SASH1: variants seen among roughly 807,000 people sequenced by gnomAD.
SASH1 encodes SAM and SH3 domain-containing protein 1.
Under a neutral mutation model 125.2 loss-of-function variants are expected in SASH1, and 44 were observed. The ratio of observed to expected loss-of-function variants is 0.35; its 90% CI spans 0.28 to 0.45. SASH1 has a LOEUF of 0.45. Ranked by LOEUF, SASH1 falls within the 20% of genes least tolerant of loss-of-function variation. The pLI is 1.00. For synonymous variants in SASH1, 639 were observed against 649.1 expected, an observed-to-expected ratio of 0.98 and a Z score of 0.24; for missense variants, 1,426 against 1,614.5, an observed-to-expected ratio of 0.88 and a Z score of 2.00.
At chr6:148,374,603 C>T (rs903463383) in intron 1 of SASH1, among the ~76,000 whole-genome samples, 4 of 151,956 alleles carry the variant, frequency 2.6e-5, no homozygotes, top group African/African-American at 9.7e-5. Flanking sequence ...TAGAATGTGA[C>T]ACAAAGCAAA....
At chr6:148,296,135 T>C (rs1259049501) in intron 1 of SASH1, among the ~76,000 whole-genome samples, 1 of 151,792 alleles carries the variant, frequency 6.6e-6, no homozygotes, top group Non-Finnish European at 1.5e-5. Context: ...TTTTTGTTGT[T>C]GTTGTTTTGA....
the SASH1 span, among the ~76,000 whole-genome samples, chr6:148,244,935 TGTGTGTGTGTGTGTGTGTGTGTGTGAGA>T: frequency 2.1e-5 from 2 of 96,814 alleles, no homozygotes; most frequent in Admixed American, 1.0e-4. Context: ...TGTGTGTATG[TGTGTGTGTGTGTGTGTGTGTGTGTGAGA>T]GAGAGAGAGA....
At chr6:148,521,464 G>T (rs1780805886) in intron 10 of SASH1, among the ~76,000 whole-genome samples, 1 of 152,202 alleles carries the variant, frequency 6.6e-6, no homozygotes, top group African/African-American at 2.4e-5. Context: ...TTCTTAAAAC[G>T]ACCTTCTCTG....
rs539347278 is a variant in SASH1, at chr6:148,514,485, A to T, written c.862+29A>T. ...AAAAAAAAAAAAAAAAAAAAAAAAAAAGGCAGACTCCACCCTGGTTATTCC... is the reference window on the plus strand; with the variant it reads ...AAAAAAAAAAAAAAAAAAAAAAAAATAGGCAGACTCCACCCTGGTTATTCC... On this transcript the variant is annotated intron_variant, in intron 9 of 19. Coordinates refer to ENST00000367467, the MANE Select transcript of SASH1 (RefSeq NM_015278.5). 7.9e-6 allele frequency: 10 copies of T among 1,271,136 alleles called. No homozygotes were observed. The East Asian group carries it at 3.0e-4, about 38-fold the overall frequency. The allele number at this position is 1,271,136 out of a possible 1,614,324, so 78.7% of individuals were successfully genotyped here.
At chr6:148,521,130 C>G (rs1473784677) in intron 10 of SASH1, among the ~76,000 whole-genome samples, 2 of 152,226 alleles carry the variant, frequency 1.3e-5, no homozygotes, top group African/African-American at 4.8e-5. Flanking sequence ...GCATGACTTA[C>G]TTTGAACTTC....
intron 1 of SASH1, among the ~76,000 whole-genome samples, chr6:148,363,663 G>T (rs1204760322): frequency 6.6e-6 from 1 of 151,830 alleles, no homozygotes; most frequent in Non-Finnish European, 1.5e-5. Context: ...GCCTCCCAAA[G>T]TGCTGGGATT....
chr6:148,496,051 T>C (rs770810692), intron 8 of SASH1, among the ~76,000 whole-genome samples: 2 of 152,014 alleles, frequency 1.3e-5, no homozygotes, highest in Non-Finnish European at 2.9e-5. Flanking sequence ...TTTCACCATG[T>C]TGGCCAGGCT....
Position 148,343,009 on chromosome 6 carries a change from G to A in SASH1, c.-59G>A, listed in dbSNP as rs866996384. The A allele has an allele frequency of 8.3e-5, 93 of 1,119,210 alleles. 1 individual carries two copies. In the African/African-American group the frequency reaches 1.4e-3, roughly 16 times the overall value. 69.3% of individuals were successfully genotyped at this position (1,119,210 alleles called of 1,614,324 possible). A position where few individuals can be genotyped will look rare whatever the true frequency, so the allele number is the denominator to read the frequency against. The stretch of plus-strand genomic sequence containing the variant: ...CCGGCATCCGGGCAGGCTGCGCGCG[G>A]GTGCGGGGCGAGGGCGCCGCGGGGA... On this transcript the variant is annotated 5_prime_UTR_variant, in exon 1 of 20. Coordinates refer to ENST00000367467, the MANE Select transcript of SASH1 (RefSeq NM_015278.5).
chr6:148,460,237 G>A (rs1777551296), intron 4 of SASH1, among the ~76,000 whole-genome samples: 3 of 152,198 alleles, frequency 2.0e-5, no homozygotes, highest in Admixed American at 2.0e-4. Flanking sequence ...TGAGCAAGAT[G>A]CCCTTTTGAG....
intron 1 of SASH1, among the ~76,000 whole-genome samples, chr6:148,284,751 G>A (rs1277760380): frequency 2.0e-5 from 3 of 152,100 alleles, no homozygotes; most frequent in Non-Finnish European, 4.4e-5. Flanking sequence ...ATTCTTCTTT[G>A]TTGGACTTTT....
At chr6:148,235,251 GC>G in the SASH1 span, among the ~76,000 whole-genome samples, 1 of 152,136 alleles carries the variant, frequency 6.6e-6, no homozygotes, top group Non-Finnish European at 1.5e-5. Flanking sequence ...TAGATTAACA[GC>G]CCCTGATTGC....
At chr6:148,448,539 C>T (rs962565081) in intron 4 of SASH1, among the ~76,000 whole-genome samples, 2 of 152,112 alleles carry the variant, frequency 1.3e-5, no homozygotes, top group Admixed American at 6.5e-5. Flanking sequence ...TTGGTGGCTG[C>T]GACTTTGCCA....
At chr6:148,360,636 A>ACG (rs1782156463) in intron 1 of SASH1, among the ~76,000 whole-genome samples, 1 of 127,824 alleles carries the variant, frequency 7.8e-6, no homozygotes. Context: ...GGCGTGAGCC[A>ACG]CCCCCCCGCC....
Position 148,543,769 on chromosome 6 carries a change from C to T in SASH1, c.2299C>T (p.Pro767Ser), listed in dbSNP as rs1174897381. ...TAGCAGAAACCAGTTGGGCAATTAC[C>T]CAACATTGCCTTTAATGAAATCAGG... ...SFSRNQLGNY[P>S]TLPLMKSGDA... Residue 767 changes from proline (P) to serine (S), a missense_variant, in exon 18 of 20, where the codon CCA becomes TCA. Pro to Ser is a moderately conservative substitution (Grantham distance 74). Around this residue, in one of 3 missense-constraint regions of SASH1, gnomAD observed 634 missense variants for 694.4 expected, o/e 0.91. Transcript: ENST00000367467. 2.5e-6 allele frequency: 4 copies of T among 1,612,962 alleles called. No individual in the cohort carries two copies. Among genetic ancestry groups the T allele is most frequent in the Non-Finnish European group, 3.4e-6 (4 of 1,179,336 alleles).
At chr6:148,484,315 G>T (rs56040251) in intron 7 of SASH1, among the ~76,000 whole-genome samples, 2,779 of 150,870 alleles carry the variant, frequency 0.018, 83 homozygotes, top group African/African-American at 0.065. Flanking sequence ...AACACAGGAT[G>T]TGAGGGAATG....
At chr6:148,230,281 A>G in the SASH1 span, among the ~76,000 whole-genome samples, 56 of 152,224 alleles carry the variant, frequency 3.7e-4, no homozygotes, top group Non-Finnish European at 7.5e-4. Context: ...CATTGTATGG[A>G]TAGACCACAC....
intron 4 of SASH1, among the ~76,000 whole-genome samples, chr6:148,449,078 C>CATTTCTTT (rs763181287): frequency 2.3e-5 from 2 of 88,736 alleles, no homozygotes; most frequent in Non-Finnish European, 4.6e-5. Context: ...CATTTCATTT[C>CATTTCTTT]TTTTTTTTTT....
rs1343354467 is a variant in SASH1 at position 148,349,259 on chromosome 6, T to TTC, written c.156+6037_156+6038insCT. Among the ~76,000 whole-genome samples, 55 of 117,246 alleles carry TTC rather than the reference T, an allele frequency of 4.7e-4. 1 individual carries two copies. Among genetic ancestry groups the TTC allele is most frequent in the Middle Eastern group, 7.5e-3 (2 of 266 alleles). 76.9% of individuals were successfully genotyped at this position (117,246 alleles called of 152,430 possible). ...ATTCTTTCTTCTTTCTTTCTTTTTT[T>TTC]TTTTTTTTTTTTTTTTTTTTTTGAG... On this transcript the variant is annotated intron_variant, in intron 1 of 19. Transcript: ENST00000367467.
At chr6:148,461,040 A>G (rs555520849) in intron 4 of SASH1, among the ~76,000 whole-genome samples, 2 of 152,342 alleles carry the variant, frequency 1.3e-5, no homozygotes, top group African/African-American at 4.8e-5. Flanking sequence ...TACAAGAAGT[A>G]ACATTTCCTT....
Sources: allele counts gnomAD v4.1 joint callset (sites outside exome capture counted in the v4.1 genomes callset), GRCh38; gene constraint gnomAD v4.1.1; regional missense constraint gnomAD v4.1.1; transcripts MANE v1.5; gene names NCBI Gene and HGNC (gene_info 2026-07-23, HGNC 2026-07-21).